The following BRSK2 variants were observed in gnomAD, a reference collection of about 807,000 sequenced individuals.
BRSK2 encodes BR serine/threonine kinase 2.
BRSK2 carries 19 observed loss-of-function variants against 83.3 expected under a neutral mutation model. That is an observed-to-expected ratio of 0.23 (90% CI 0.16 to 0.33). BRSK2 has a LOEUF of 0.33. Ranked by LOEUF, BRSK2 falls within the 10% of genes least tolerant of loss-of-function variation. The pLI is 1.00. For missense variants in BRSK2, 798 were observed against 1,042.3 expected (o/e 0.77, Z 3.23); for synonymous variants, 519 against 435.4 (o/e 1.19, Z -2.39).
intron 12 of BRSK2, among the ~76,000 whole-genome samples, chr11:1,446,877 C>T (rs1057062020): frequency 6.6e-6 from 1 of 152,178 alleles, no homozygotes; most frequent in Non-Finnish European, 1.5e-5. Context: ...CACCCCAGGG[C>T]CCCCTCCTTG....
intron 1 of BRSK2, among the ~76,000 whole-genome samples, chr11:1,395,272 G>A (rs954985995): frequency 7.2e-5 from 11 of 152,170 alleles, no homozygotes; most frequent in Non-Finnish European, 1.3e-4. Flanking sequence ...TCTCAGGGGC[G>A]CCGTGCACAG....
At chr11:1,407,025 G>A (rs1183826630) in intron 1 of BRSK2, among the ~76,000 whole-genome samples, 1 of 152,192 alleles carries the variant, frequency 6.6e-6, no homozygotes. Context: ...CACCTAGGAT[G>A]ACAGGCGGAG....
Position 1,440,940 on chromosome 11 carries a change from C to A in BRSK2, c.413+12C>A, listed in dbSNP as rs757637600. ...AGCCACTCCATATGGTGAGGCCCCA[C>A]CCCTGGTGCCCCCCACTCCCCAGGG... On this transcript the variant is annotated intron_variant, in intron 4 of 19. Transcript: ENST00000528841. 16 of 1,601,834 alleles carry A rather than the reference C, an allele frequency of 1.0e-5. No homozygotes were observed. In the African/African-American group the frequency reaches 1.6e-4, roughly 16 times the overall value.
chr11:1,442,721 G>A, intron 5 of BRSK2, 115 bp downstream of exon 5: 1 of 840,540 alleles, frequency 1.2e-6, no homozygotes, highest in South Asian at 1.5e-5. Flanking sequence ...CCCACAGGCA[G>A]GCCCCCCACA....
intron 11 of BRSK2, 22 bp from the exon 12 acceptor site, chr11:1,445,735 C>A (rs754235542): frequency 6.2e-7 from 1 of 1,610,956 alleles, no homozygotes; most frequent in East Asian, 2.2e-5. Flanking sequence ...GGCTGTCTGG[C>A]CTGACCTTCG....
Position 1,444,983 on chromosome 11 carries a change from C to G in BRSK2, c.793C>G (p.Gln265Glu), listed in dbSNP as rs1481252510. Residue 265 changes from glutamine (Q) to glutamate (E), a missense_variant, in exon 9 of 20, where the codon CAG becomes GAG. Physicochemically the swap from Gln to Glu is conservative, Grantham distance 29. This residue lies in a region of BRSK2 where 145 missense variants were observed against 225.4 expected (regional missense o/e 0.64). Transcript: ENST00000528841. ...AARRLTLEHI[Q>E]KHIWYIGGKN... is the part of the protein sequence containing the mutation. ...TCTTTCCTTGTAGCTAGAGCACATT[C>G]AGAAACACATATGGTATATGTAAGT... 2 of 1,613,350 alleles carry G rather than the reference C, an allele frequency of 1.2e-6. No individual in the cohort carries two copies. The highest frequency in any genetic ancestry group is 2.2e-5 in the East Asian group (1 of 44,874).
At chr11:1,449,985 C>G (rs1271458529) in intron 13 of BRSK2, 149 bp downstream of exon 13, 6 of 601,242 alleles carry the variant, frequency 1.0e-5, no homozygotes, top group Non-Finnish European at 1.5e-5. Flanking sequence ...GGCTGCTGCT[C>G]TGTGGCGCAG....
At position 1,446,060 on chromosome 11, in the gene BRSK2, GGGCTGGGCTT is replaced by G. The variant is rs1230883558; in HGVS notation, c.1226+163_1226+172del. Reference sequence around the variant, plus strand: ...AAACTGGGCTTAGCTGGGCTGGGCTGGGCTGGGCTTGGCTGGGCTGGGCTGGGCTTAGCTG... The same window carrying G: ...AAACTGGGCTTAGCTGGGCTGGGCTGGGCTGGGCTGGGCTGGGCTTAGCTG... On this transcript the variant is annotated intron_variant, in intron 12 of 19. Coordinates refer to ENST00000528841, the MANE Select transcript of BRSK2 (RefSeq NM_001256627.2). 1.7e-3 allele frequency among the ~76,000 whole-genome samples: 95 copies of G among 57,334 alleles called. 1 individual carries two copies. The South Asian group carries it at 0.021, about 13-fold the overall frequency. The allele number at this position is 57,334 out of a possible 152,430, so 37.6% of individuals were successfully genotyped here.
chr11:1,416,001 C>T (rs1331481754), intron 1 of BRSK2, among the ~76,000 whole-genome samples: 1 of 152,268 alleles, frequency 6.6e-6, no homozygotes, highest in African/African-American at 2.4e-5. Context: ...CCAGTGGGAA[C>T]TGGAACCAGG....
At chr11:1,449,163 A>G (rs1022633213) in intron 12 of BRSK2, among the ~76,000 whole-genome samples, 2 of 152,318 alleles carry the variant, frequency 1.3e-5, no homozygotes, top group East Asian at 1.9e-4. Flanking sequence ...ACGCCGGGCC[A>G]GGGCCTCCCT....
intron 1 of BRSK2, among the ~76,000 whole-genome samples, chr11:1,427,143 C>A (rs1016426008): frequency 1.3e-5 from 2 of 152,274 alleles, no homozygotes; most frequent in Middle Eastern, 3.4e-3. Flanking sequence ...CCCCACAGCC[C>A]CACTGGCTTC....
At chr11:1,460,477 T>G in intron 19 of BRSK2, 23 bp from the exon 20 acceptor site, 7 of 1,259,286 alleles carry the variant, frequency 5.6e-6, no homozygotes, top group Non-Finnish European at 7.1e-6. Context: ...TTTTTTTTTT[T>G]TGTCTCTGTT....
In BRSK2 at chr11:1,396,038, G is replaced by A. The variant is rs989307726; in HGVS notation, c.91+5663G>A. On this transcript the variant is annotated intron_variant, in intron 1 of 19. Coordinates refer to ENST00000528841, the MANE Select transcript of BRSK2 (RefSeq NM_001256627.2). ...ATCAAGGGCCGTGGCTCCTGCCCAC[G>A]ACCCAAGCTCCAGGGCCTCTGGGTC... Among the ~76,000 whole-genome samples the A allele has an allele frequency of 1.6e-4, 25 of 152,174 alleles. 1 individual carries two copies. The highest frequency in any genetic ancestry group is 2.9e-5 in the Non-Finnish European group (2 of 68,020).
At chr11:1,435,304 G>A (rs1205932855) in intron 1 of BRSK2, among the ~76,000 whole-genome samples, 1 of 1,712 alleles carries the variant, frequency 5.8e-4, no homozygotes, top group Non-Finnish European at 1.5e-3. Context: ...GAGGAGGGGT[G>A]CCGGTGGGGG....
chr11:1,422,065 CTG>C (rs1219782228), intron 1 of BRSK2, among the ~76,000 whole-genome samples: 8 of 152,066 alleles, frequency 5.3e-5, no homozygotes, highest in Non-Finnish European at 8.8e-5. Flanking sequence ...CGTGCCTGGG[CTG>C]CATCATCGGG....
rs1848887996 is a variant in BRSK2 at position 1,423,794 on chromosome 11, AGGCCTCCCCCG to A, written c.92-12245_92-12235del. Among the ~76,000 whole-genome samples the A allele has an allele frequency of 6.8e-6, 1 of 146,080 alleles. No individual in the cohort carries two copies. Among genetic ancestry groups the A allele is most frequent in the Non-Finnish European group, 1.5e-5 (1 of 66,654 alleles). ...CCCCGCTGGGCGTTCCGGGTGCCCC[AGGCCTCCCCCG>A]CTGGGCGTTCCGGGTGCCCCAGGCC... On this transcript the variant is annotated intron_variant, in intron 1 of 19. Coordinates refer to ENST00000528841, the MANE Select transcript of BRSK2 (RefSeq NM_001256627.2). The surrounding 1 kb of genome is among the most constrained non-coding windows in gnomAD (Gnocchi z 6.5).
In BRSK2 at chr11:1,447,751, G is replaced by A. The variant is rs542173515; in HGVS notation, c.1226+1844G>A. 93 of 1,563,808 alleles carry A rather than the reference G, an allele frequency of 5.9e-5. 1 individual carries two copies. The South Asian group carries it at 7.2e-4, about 12-fold the overall frequency. On this transcript the variant is annotated intron_variant, in intron 12 of 19. Coordinates refer to ENST00000528841, the MANE Select transcript of BRSK2 (RefSeq NM_001256627.2). ...GGGCCCTGGGGGCCGACCTGTGCCCGCGTGTGGCCGTCAGTAACTGTGTTT... is the reference window on the plus strand; with the variant it reads ...GGGCCCTGGGGGCCGACCTGTGCCCACGTGTGGCCGTCAGTAACTGTGTTT...
chr11:1,412,820 C>T (rs1222410993), intron 1 of BRSK2, among the ~76,000 whole-genome samples: 2 of 152,158 alleles, frequency 1.3e-5, no homozygotes, highest in South Asian at 2.1e-4. Flanking sequence ...TAGCCCTGGC[C>T]GCACACAGCA....
intron 1 of BRSK2, among the ~76,000 whole-genome samples, chr11:1,406,074 C>G (rs547450529): frequency 1.9e-3 from 282 of 152,288 alleles, no homozygotes; most frequent in Non-Finnish European, 2.3e-3. Flanking sequence ...CGCTCCCCTG[C>G]CGAGGTCAGG....
Sources: allele counts gnomAD v4.1 joint callset (sites outside exome capture counted in the v4.1 genomes callset), GRCh38; gene constraint gnomAD v4.1.1; regional missense constraint gnomAD v4.1.1; non-coding constraint Gnocchi (gnomAD v3.1); transcripts MANE v1.5; gene names NCBI Gene and HGNC (gene_info 2026-07-23, HGNC 2026-07-21).